Variants in RAB6B observed in about 807,000 individuals in gnomAD.
RAB6B encodes ras-related protein Rab-6B.
In RAB6B, 7 loss-of-function variants were observed where a neutral mutation model predicts 31.2. The observed-to-expected ratio is 0.22, with a 90% confidence interval of 0.13 to 0.42. The LOEUF (loss-of-function observed/expected upper bound fraction) is 0.42, where lower values mean the gene tolerates loss of function less well. Among genes scored for constraint, RAB6B ranks in the 10% least tolerant of loss-of-function variants. The probability of loss-of-function intolerance (pLI) is 1.00; values close to 1 mark genes in which losing one functional copy is unlikely to be tolerated. For synonymous variants in RAB6B, 105 were observed against 104.9 expected, an observed-to-expected ratio of 1.00 and a Z score of -0.01; for missense variants, 149 against 280.6, an observed-to-expected ratio of 0.53 and a Z score of 3.35.
At chr3:133,840,359 G>C (rs1935807134) in intron 4 of RAB6B, among the ~76,000 whole-genome samples, 1 of 152,204 alleles carries the variant, frequency 6.6e-6, no homozygotes, top group South Asian at 2.1e-4. Context: ...GGGGAGGGGA[G>C]GTAGCTGTCC....
intron 1 of RAB6B, among the ~76,000 whole-genome samples, chr3:133,870,517 A>AG (rs1376090991): frequency 6.6e-6 from 1 of 152,184 alleles, no homozygotes; most frequent in African/African-American, 2.4e-5. Context: ...GGAGGAGAGC[A>AG]GGGTACAGGA....
chr3:133,891,489 G>A lies in RAB6B; in HGVS notation c.70+3908C>T, dbSNP rs138323227. Among the ~76,000 whole-genome samples the A allele has an allele frequency of 1.4e-3, 210 of 152,312 alleles. 1 individual carries two copies. The highest frequency in any genetic ancestry group is 4.8e-3 in the African/African-American group (200 of 41,574). ...CCTCTGACACCAGCCCCCAGAGGCG[G>A]GTCAGGCGCCCCTGCTCTAGGCCCC... On this transcript the variant is annotated intron_variant, in intron 1 of 7. Transcript: ENST00000285208.
In RAB6B at chr3:133,828,434, T is replaced by C. The variant is rs533662549; in HGVS notation, c.*354A>G. ...AAGGTTCTCTATAAGTTTACAAATATACAAAAACAAAAAGCACATCTTTCA... is the reference window on the plus strand; with the variant it reads ...AAGGTTCTCTATAAGTTTACAAATACACAAAAACAAAAAGCACATCTTTCA... On this transcript the variant is annotated 3_prime_UTR_variant, in exon 8 of 8. Coordinates refer to ENST00000285208, the MANE Select transcript of RAB6B (RefSeq NM_016577.4). 7 of 380,584 alleles carry C rather than the reference T, an allele frequency of 1.8e-5. No homozygotes were observed. The highest frequency in any genetic ancestry group is 1.2e-4 in the East Asian group (2 of 16,220). 23.6% of individuals were successfully genotyped at this position (380,584 alleles called of 1,614,324 possible).
chr3:133,850,956 C>T (rs1178465296), intron 2 of RAB6B, among the ~76,000 whole-genome samples: 1 of 150,562 alleles, frequency 6.6e-6, no homozygotes, highest in Non-Finnish European at 1.5e-5. Flanking sequence ...GGGATGACGG[C>T]TGCCATACTG....
intron 1 of RAB6B, among the ~76,000 whole-genome samples, chr3:133,868,362 C>G (rs922650789): frequency 6.6e-6 from 1 of 152,234 alleles, no homozygotes; most frequent in African/African-American, 2.4e-5. Flanking sequence ...CTCAGAGGAG[C>G]AGTAGCATGG....
intron 7 of RAB6B, among the ~76,000 whole-genome samples, chr3:133,831,740 G>C (rs1210877526): frequency 2.0e-5 from 3 of 152,144 alleles, no homozygotes; most frequent in East Asian, 3.9e-4. Flanking sequence ...GGCAGGCATG[G>C]CCAGAGCACA....
intron 1 of RAB6B, among the ~76,000 whole-genome samples, chr3:133,887,616 G>A (rs1450893824): frequency 6.6e-6 from 1 of 152,190 alleles, no homozygotes; most frequent in Admixed American, 6.5e-5. Flanking sequence ...GGGTCACCCA[G>A]CCCAGTAGCC....
intron 1 of RAB6B, among the ~76,000 whole-genome samples, chr3:133,887,927 A>G (rs1327839005): frequency 1.3e-5 from 2 of 152,192 alleles, no homozygotes; most frequent in Non-Finnish European, 2.9e-5. Context: ...AAGCACCACA[A>G]ATGGAAGAAC....
chr3:133,836,686 C>A (rs1458464054), intron 6 of RAB6B, among the ~76,000 whole-genome samples: 1 of 152,094 alleles, frequency 6.6e-6, no homozygotes, highest in Non-Finnish European at 1.5e-5. Flanking sequence ...GACTTTAGGG[C>A]TCCCAAAGAG....
chr3:133,873,962 T>G lies in RAB6B; in HGVS notation c.71-9320A>C, dbSNP rs756514481. Among the ~76,000 whole-genome samples the G allele has an allele frequency of 5.3e-5, 8 of 152,206 alleles. 1 individual carries two copies. The highest frequency in any genetic ancestry group is 1.2e-4 in the Non-Finnish European group (8 of 68,036). On this transcript the variant is annotated intron_variant, in intron 1 of 7. Coordinates refer to ENST00000285208, the MANE Select transcript of RAB6B (RefSeq NM_016577.4). ...AGGGAAGAGAAAATAGATTTACTGT[T>G]CATTAAGTGAAAGTGGATCATCATA...
Position 133,844,258 on chromosome 3 carries a change from C to A in RAB6B, c.130-2595G>T, listed in dbSNP as rs1005672406. Among the ~76,000 whole-genome samples the A allele has an allele frequency of 5.3e-5, 8 of 152,226 alleles. 1 individual carries two copies. The highest frequency in any genetic ancestry group is 1.5e-5 in the Non-Finnish European group (1 of 68,036). ...ACTTTCTCTCACATCCCATAACAGA[C>A]TAACCAGAGGCAGCAACGAGGAACC... On this transcript the variant is annotated intron_variant, in intron 2 of 7. Coordinates refer to ENST00000285208, the MANE Select transcript of RAB6B (RefSeq NM_016577.4).
Position 133,827,476 on chromosome 3 carries a change from A to T in RAB6B, c.*1312T>A. The T allele has an allele frequency of 5.4e-6, 1 of 184,456 alleles. No individual in the cohort carries two copies. The highest frequency in any genetic ancestry group is 1.1e-5 in the Non-Finnish European group (1 of 88,322). 11.4% of individuals were successfully genotyped at this position (184,456 alleles called of 1,614,324 possible). ...TTCAGAGACTTTGCAGATTCTCAGG[A>T]CTAAGCCATTCTCAGGAATGAATCA... On this transcript the variant is annotated 3_prime_UTR_variant, in exon 8 of 8. Coordinates refer to ENST00000285208, the MANE Select transcript of RAB6B (RefSeq NM_016577.4).
In RAB6B at chr3:133,841,161, C is replaced by CGCACACACATGCGTGT. The variant is rs201380383; in HGVS notation, c.289+108_289+123dup. ...TGCCTTTCTGCATTCAGGGAGCAATCGCACACACATGCGTGTGCACACACA... is the reference window on the plus strand; with the variant it reads ...TGCCTTTCTGCATTCAGGGAGCAATCGCACACACATGCGTGTGCACACACATGCGTGTGCACACACA... On this transcript the variant is annotated intron_variant, in intron 4 of 7. Transcript: ENST00000285208. The CGCACACACATGCGTGT allele has an allele frequency of 2.9e-3, 2,450 of 845,522 alleles. 17 individuals carry two copies. Among genetic ancestry groups the CGCACACACATGCGTGT allele is most frequent in the East Asian group, 0.016 (621 of 37,960 alleles). 52.4% of individuals were successfully genotyped at this position (845,522 alleles called of 1,614,324 possible).
chr3:133,872,622 T>G (rs1936342292), intron 1 of RAB6B, among the ~76,000 whole-genome samples: 1 of 152,204 alleles, frequency 6.6e-6, no homozygotes, highest in Non-Finnish European at 1.5e-5. Flanking sequence ...CACCCTACCC[T>G]GCCACCCTGG....
intron 1 of RAB6B, among the ~76,000 whole-genome samples, chr3:133,887,333 C>A (rs73217263): frequency 5.9e-5 from 9 of 152,318 alleles, no homozygotes; most frequent in East Asian, 1.9e-4. Flanking sequence ...GCCCCTCCCC[C>A]ACATTGTGCC....
At chr3:133,849,798 G>A (rs1474310538) in intron 2 of RAB6B, among the ~76,000 whole-genome samples, 3 of 152,260 alleles carry the variant, frequency 2.0e-5, no homozygotes, top group African/African-American at 7.2e-5. Flanking sequence ...GTTCAGCAGA[G>A]CCCACTTAAG....
chr3:133,861,254 C>T (rs1644601079), intron 2 of RAB6B, among the ~76,000 whole-genome samples: 1 of 152,234 alleles, frequency 6.6e-6, no homozygotes, highest in African/African-American at 2.4e-5. Flanking sequence ...ACATGAATCT[C>T]ATCTGGCTGT....
At chr3:133,885,534 C>A in intron 1 of RAB6B, 1 of 702,990 alleles carries the variant, frequency 1.4e-6, no homozygotes, top group Non-Finnish European at 2.6e-6. Flanking sequence ...AGCTCACACA[C>A]CCAATGGCCA....
At chr3:133,845,783 T>C (rs1935901428) in intron 2 of RAB6B, among the ~76,000 whole-genome samples, 1 of 151,886 alleles carries the variant, frequency 6.6e-6, no homozygotes, top group Admixed American at 6.6e-5. Flanking sequence ...ATTCAAGCCA[T>C]AATCAAGGGA....
Sources: allele counts gnomAD v4.1 joint callset (sites outside exome capture counted in the v4.1 genomes callset), GRCh38; gene constraint gnomAD v4.1.1; transcripts MANE v1.5; gene names NCBI Gene and HGNC (gene_info 2026-07-23, HGNC 2026-07-21).